The following EIF4E1B variants were observed in gnomAD, a reference collection of about 807,000 sequenced individuals.
The protein encoded by EIF4E1B is eukaryotic translation initiation factor 4E family member 1B.
A neutral mutation model predicts 31.3 loss-of-function variants in EIF4E1B; 22 were observed. The observed-to-expected ratio is 0.70, with a 90% CI of 0.50 to 1.00. EIF4E1B has a LOEUF of 1.00. Among genes scored for constraint, EIF4E1B ranks in the 50% least tolerant of loss-of-function variants. EIF4E1B has a pLI of 0.00. For missense variants in EIF4E1B, 290 were observed against 311.6 expected (o/e 0.93, Z 0.52); for synonymous variants, 126 against 120.2 (o/e 1.05, Z -0.31).
intron 1 of EIF4E1B, among the ~76,000 whole-genome samples, chr5:176,634,876 G>A (rs893384412): frequency 6.6e-6 from 1 of 151,878 alleles, no homozygotes; most frequent in Non-Finnish European, 1.5e-5. Context: ...CACCATGTTG[G>A]CCAGGCTGGT....
intron 1 of EIF4E1B, among the ~76,000 whole-genome samples, chr5:176,634,265 T>C (rs528709720): frequency 2.0e-5 from 3 of 152,240 alleles, no homozygotes; most frequent in African/African-American, 7.2e-5. Context: ...CAGGCTGGCT[T>C]CAGATGCAGA....
intron 1 of EIF4E1B, among the ~76,000 whole-genome samples, chr5:176,641,108 T>C (rs1760568179): frequency 6.6e-6 from 1 of 152,098 alleles, no homozygotes; most frequent in South Asian, 2.1e-4. Context: ...TGCTTGAGTC[T>C]AGACATTCAA....
rs756611934 is a variant in EIF4E1B at position 176,644,431 on chromosome 5, C to G, written c.352C>G (p.Leu118Val). The change falls in exon 6 of 9, where the codon CTC (leucine) becomes GTC (valine). Residue 118 changes from leucine (L) to valine (V), a missense_variant. Coordinates refer to ENST00000318682, the MANE Select transcript of EIF4E1B (RefSeq NM_001099408.2). The stretch of plus-strand genomic sequence containing the variant: ...GCTCTCCTCTGGCTGTGACTACGCC[C>G]TCTTCAAGGTAAGCTCTGCTCTCCT... Reference protein sequence around the residue: ...SKLSSGCDYALFKDGIQPMWE... With the variant: ...SKLSSGCDYAVFKDGIQPMWE... 2 of 1,595,566 alleles carry G rather than the reference C, an allele frequency of 1.3e-6. No individual in the cohort carries two copies. The highest frequency in any genetic ancestry group is 1.7e-5 in the Admixed American group (1 of 57,666).
intron 1 of EIF4E1B, among the ~76,000 whole-genome samples, chr5:176,631,622 G>T (rs59258713): frequency 0.02 from 3,006 of 150,992 alleles, 106 homozygotes; most frequent in African/African-American, 0.069. Context: ...AGGTAATTAG[G>T]CGAGGGGGCC....
rs1267927478 is a variant in EIF4E1B, at chr5:176,643,859, C to T, written c.296+125C>T. The T allele has an allele frequency of 5.9e-6, 6 of 1,021,148 alleles. No individual in the cohort carries two copies. The African/African-American group carries it at 6.5e-5, about 11-fold the overall frequency. 63.3% of individuals were successfully genotyped at this position (1,021,148 alleles called of 1,614,324 possible). On this transcript the variant is annotated intron_variant, in intron 5 of 8. Coordinates refer to ENST00000318682, the MANE Select transcript of EIF4E1B (RefSeq NM_001099408.2). ...TGTGAGGGCTGGGGCTTTGTGGGTT[C>T]TGCCCAGGGGGTATAGGGCACAACC... is the stretch of plus-strand genomic sequence containing the variant.
chr5:176,641,266 G>A (rs866732407), intron 1 of EIF4E1B, among the ~76,000 whole-genome samples: 5 of 152,076 alleles, frequency 3.3e-5, no homozygotes, highest in Non-Finnish European at 5.9e-5. Flanking sequence ...ACGTCAAGAC[G>A]GCAGTGAGCC....
Position 176,642,861 on chromosome 5 carries a change from C to CG in EIF4E1B, c.15+59_15+60insG, listed in dbSNP as rs1554151075. On this transcript the variant is annotated intron_variant, in intron 3 of 8. Transcript: ENST00000318682. The stretch of plus-strand genomic sequence containing the variant: ...CATGGCCCCGCCCTCTCCCCCCCCC[C>CG]CCCCGCCCCAGGTGGGCGGGGCAGG... 201 of 1,123,854 alleles carry CG rather than the reference C, an allele frequency of 1.8e-4. 12 individuals are homozygous for CG. Among genetic ancestry groups the CG allele is most frequent in the African/African-American group, 5.2e-4 (24 of 46,236 alleles). The allele number at this position is 1,123,854 out of a possible 1,614,324, so 69.6% of individuals were successfully genotyped here.
intron 1 of EIF4E1B, among the ~76,000 whole-genome samples, chr5:176,632,389 G>C (rs1197651382): frequency 6.6e-6 from 1 of 152,170 alleles, no homozygotes; most frequent in Non-Finnish European, 1.5e-5. Flanking sequence ...CCAAGTAGCT[G>C]GGATTACAGG....
At chr5:176,642,825 C>T (rs773148617) in intron 3 of EIF4E1B, 23 bp downstream of exon 3, 8 of 1,536,452 alleles carry the variant, frequency 5.2e-6, no homozygotes, top group South Asian at 3.6e-5. Flanking sequence ...GCCTCTCTAC[C>T]CCCAGTGCAC....
rs1760668010 is a variant in EIF4E1B, at chr5:176,645,114, G to T, written c.361-16G>T. 1 of 1,551,182 alleles carries T rather than the reference G, an allele frequency of 6.4e-7. No individual in the cohort carries two copies. The highest frequency in any genetic ancestry group is 8.7e-7 in the Non-Finnish European group (1 of 1,146,584). On this transcript the variant is annotated splice_polypyrimidine_tract_variant and intron_variant, in intron 6 of 8. Transcript: ENST00000318682. This position sits in a 1 kb window ranked among gnomAD's most constrained non-coding sequence, Gnocchi z 5.4. ...TTGAACACAGGGAGGCAGTTGACTT[G>T]CCATCTGCCTTGCAGGATGGCATCC...
chr5:176,646,087 C>A lies in EIF4E1B; in HGVS notation c.*107C>A, dbSNP rs1760702933. On this transcript the variant is annotated 3_prime_UTR_variant, in exon 9 of 9. Coordinates refer to ENST00000318682, the MANE Select transcript of EIF4E1B (RefSeq NM_001099408.2). ...ATCAGACAGCCTAGTTCTTACCTGT[C>A]CTCAAGTGAACAGGAATGCAAACAC... The A allele has an allele frequency of 1.3e-5, 12 of 934,992 alleles. No individual in the cohort carries two copies. Among genetic ancestry groups the A allele is most frequent in the Non-Finnish European group, 2.0e-5 (12 of 611,072 alleles). 57.9% of individuals were successfully genotyped at this position (934,992 alleles called of 1,614,324 possible). A position where few individuals can be genotyped will look rare whatever the true frequency, so the allele number is the denominator to read the frequency against.
In EIF4E1B at chr5:176,645,213, C is replaced by A; in HGVS notation, c.444C>A (p.His148Gln). ...TCAGCCTGGCCAAGCAGCAGCGCCA[C>A]ATTGAGCTGGACCGGCTGTGGCTGG... is the stretch of plus-strand genomic sequence containing the variant. ...WLVSLAKQQR[H>Q]IELDRLWLET... Residue 148 changes from histidine to glutamine, a missense_variant, in exon 7 of 9, where the codon CAC (histidine) becomes CAA (glutamine). His to Gln is a conservative substitution (Grantham distance 24). Transcript: ENST00000318682. The surrounding 1 kb of genome is among the most constrained non-coding windows in gnomAD (Gnocchi z 5.4). 1 of 1,592,608 alleles carries A rather than the reference C, an allele frequency of 6.3e-7. No homozygotes were observed. Among genetic ancestry groups the A allele is most frequent in the Non-Finnish European group, 8.5e-7 (1 of 1,169,780 alleles).
rs368807408 is a variant in EIF4E1B, at chr5:176,643,349, G to T, written c.200+83G>T. On this transcript the variant is annotated intron_variant, in intron 4 of 8. Coordinates refer to ENST00000318682, the MANE Select transcript of EIF4E1B (RefSeq NM_001099408.2). ...TGGCAGCGTGGCCTTGGGCAACCCC[G>T]CCTCTCTTGGCCCTAGCTCTTCATC... The T allele has an allele frequency of 1.4e-4, 198 of 1,465,342 alleles. No homozygotes were observed. The African/African-American group carries it at 2.5e-3, about 18-fold the overall frequency. The allele number at this position is 1,465,342 out of a possible 1,614,324, so 90.8% of individuals were successfully genotyped here.
rs764428136 is a variant in EIF4E1B at position 176,643,271 on chromosome 5, G to A, written c.200+5G>A. The A allele has an allele frequency of 6.2e-6, 10 of 1,609,716 alleles. No individual in the cohort carries two copies. In the South Asian group the frequency reaches 9.9e-5, roughly 16 times the overall value. On this transcript the variant is annotated splice_donor_5th_base_variant and intron_variant, in intron 4 of 8. Transcript: ENST00000318682. Reference sequence around the variant, plus strand: ...GCTGCACCCCTTGCAGAACAGGTAGGCAGGAGCCTGCGAGTGGAACACAGC... The same window carrying A: ...GCTGCACCCCTTGCAGAACAGGTAGACAGGAGCCTGCGAGTGGAACACAGC...
chr5:176,646,046 T>G lies in EIF4E1B; in HGVS notation c.*66T>G. The stretch of plus-strand genomic sequence containing the variant: ...CACTGAGCCTCATTACTTTGGGGGA[T>G]GGGGCGGGACTGGGGATCAGACAGC... On this transcript the variant is annotated 3_prime_UTR_variant, in exon 9 of 9. Transcript: ENST00000318682. 7.1e-7 allele frequency: 1 copy of G among 1,413,298 alleles called. No individual in the cohort carries two copies. Among genetic ancestry groups the G allele is most frequent in the East Asian group, 2.5e-5 (1 of 40,390 alleles). 87.5% of individuals were successfully genotyped at this position (1,413,298 alleles called of 1,614,324 possible).
At chr5:176,642,617 G>T (rs1561910126) in intron 2 of EIF4E1B, 93 bp from the exon 3 acceptor site, 3 of 1,087,676 alleles carry the variant, frequency 2.8e-6, no homozygotes, top group Non-Finnish European at 3.9e-6. Context: ...CCATCGGCAG[G>T]GCCGTCCACC....
In EIF4E1B at chr5:176,635,126, A is replaced by C. The variant is rs1760473353; in HGVS notation, c.-202+4062A>C. Among the ~76,000 whole-genome samples, 7 of 152,216 alleles carry C rather than the reference A, an allele frequency of 4.6e-5. No homozygotes were observed. The South Asian group carries it at 1.4e-3, about 32-fold the overall frequency. On this transcript the variant is annotated intron_variant, in intron 1 of 8. Transcript: ENST00000318682. The stretch of plus-strand genomic sequence containing the variant: ...GTGAAAAGAAGAGAGTGCCCGGAAC[A>C]GACTCCTGAGGTGCTGCAAACTTCG...
intron 4 of EIF4E1B, 103 bp from the exon 5 acceptor site, chr5:176,643,536 C>A (rs1009197766): frequency 2.7e-6 from 3 of 1,112,160 alleles, no homozygotes; most frequent in Non-Finnish European, 3.9e-6. Flanking sequence ...TCTCATCTCC[C>A]AGTTCGCCCT....
chr5:176,641,979 C>G (rs1760587153), intron 1 of EIF4E1B, 64 bp from the exon 2 acceptor site: 1 of 152,528 alleles, frequency 6.6e-6, no homozygotes, highest in African/African-American at 2.4e-5. Flanking sequence ...TCTATGTGTT[C>G]TATATCATTT....
Sources: gnomAD v4.1 joint callset for allele counts (sites outside exome capture counted in the v4.1 genomes callset) on GRCh38, gnomAD v4.1.1 for gene constraint, Gnocchi (gnomAD v3.1) non-coding constraint, MANE v1.5 for transcripts, NCBI Gene and HGNC (gene_info 2026-07-23, HGNC 2026-07-21) for gene names.